The following CFH variants were observed in gnomAD, a reference collection of about 807,000 sequenced individuals.
The protein encoded by CFH is complement factor H, also known as H factor 1 (complement).
A neutral mutation model predicts 147.3 loss-of-function variants in CFH; 53 were observed. That is an observed-to-expected ratio of 0.36 (90% confidence interval 0.29 to 0.45). The LOEUF is 0.45. Among genes scored for constraint, CFH ranks in the 20% least tolerant of loss-of-function variants. CFH has a pLI of 1.00. For synonymous variants in CFH, 536 were observed against 489.4 expected (o/e 1.10, Z -1.26); for missense variants, 1,380 against 1,498.0 (o/e 0.92, Z 1.30).
chr1:196,711,781 A>C (rs1030807192), intron 9 of CFH, among the ~76,000 whole-genome samples: 5 of 152,040 alleles, frequency 3.3e-5, no homozygotes, highest in African/African-American at 1.2e-4. Context: ...GTGCTCTGGG[A>C]ATCCTTTACC....
At chr1:196,673,767 A>G (rs1667363627) in intron 2 of CFH, 90 bp from the exon 3 acceptor site, 1 of 829,428 alleles carries the variant, frequency 1.2e-6, no homozygotes, top group Non-Finnish European at 2.1e-6. Context: ...GTCTTCTTAT[A>G]TAATATCAAA....
chr1:196,671,682 T>C (rs1667286361), intron 1 of CFH, among the ~76,000 whole-genome samples: 2 of 149,276 alleles, frequency 1.3e-5, no homozygotes, highest in African/African-American at 4.9e-5. Flanking sequence ...TATATATATA[T>C]ACTATATATG....
chr1:196,689,410 T>G lies in CFH; in HGVS notation c.965-10T>G. On this transcript the variant is annotated splice_polypyrimidine_tract_variant and intron_variant, in intron 7 of 21. Coordinates refer to ENST00000367429, the MANE Select transcript of CFH (RefSeq NM_000186.4). Reference sequence around the variant, plus strand: ...TTTCTTTATACTTTTTTTAAAATTTTTATTGCAAGTGAAACCTTGTGATTA... The same window carrying G: ...TTTCTTTATACTTTTTTTAAAATTTGTATTGCAAGTGAAACCTTGTGATTA... 1.2e-6 allele frequency: 2 copies of G among 1,611,022 alleles called. No individual in the cohort carries two copies. The highest frequency in any genetic ancestry group is 1.7e-6 in the Non-Finnish European group (2 of 1,178,544).
intron 1 of CFH, among the ~76,000 whole-genome samples, chr1:196,667,986 C>T (rs575876342): frequency 1.3e-5 from 2 of 152,204 alleles, no homozygotes; most frequent in African/African-American, 2.4e-5. Context: ...GACACTTTTG[C>T]TACTATTGTT....
chr1:196,677,724 A>T lies in CFH; in HGVS notation c.619+57A>T. 2.0e-6 allele frequency: 3 copies of T among 1,470,220 alleles called. No homozygotes were observed. In the South Asian group the frequency reaches 3.4e-5, roughly 17 times the overall value. The allele number at this position is 1,470,220 out of a possible 1,614,324, so 91.1% of individuals were successfully genotyped here. ...GCTTTTTAAATGTAAATATACATTT[A>T]AAACATCGTTCATTCTAAGGAATAT... On this transcript the variant is annotated intron_variant, in intron 5 of 21. Coordinates refer to ENST00000367429, the MANE Select transcript of CFH (RefSeq NM_000186.4).
chr1:196,657,036 C>G (rs961383492), intron 1 of CFH, among the ~76,000 whole-genome samples: 7 of 151,898 alleles, frequency 4.6e-5, no homozygotes, highest in African/African-American at 1.7e-4. Flanking sequence ...GGAGTGCCCA[C>G]GCTGGAGTGC....
chr1:196,704,140 C>T (rs556543397), intron 9 of CFH, among the ~76,000 whole-genome samples: 3 of 152,088 alleles, frequency 2.0e-5, no homozygotes, highest in South Asian at 2.1e-4. Flanking sequence ...TGTGGTGGCA[C>T]GATTGTGGCT....
chr1:196,698,162 A>T (rs948825632), intron 9 of CFH, among the ~76,000 whole-genome samples: 1 of 152,084 alleles, frequency 6.6e-6, no homozygotes. Flanking sequence ...AATAATAATA[A>T]AAAAAGAATT....
intron 7 of CFH, among the ~76,000 whole-genome samples, chr1:196,686,527 T>C (rs1280327420): frequency 1.3e-5 from 2 of 152,118 alleles, no homozygotes; most frequent in Non-Finnish European, 2.9e-5. Context: ...TATCTATAAG[T>C]ACATAGACAA....
At chr1:196,692,736 C>A (rs1190231124) in intron 9 of CFH, among the ~76,000 whole-genome samples, 1 of 140,338 alleles carries the variant, frequency 7.1e-6, no homozygotes, top group African/African-American at 2.6e-5. Context: ...TTCTCTTTCC[C>A]TTCCTTTCTT....
rs1254510583 is a variant in CFH at position 196,673,888 on chromosome 1, T to G, written c.276T>G (p.Pro92=). 7.4e-6 allele frequency: 12 copies of G among 1,613,594 alleles called. No individual in the cohort carries two copies. The highest frequency in any genetic ancestry group is 1.0e-5 in the Non-Finnish European group (12 of 1,179,698). The change falls in exon 3 of 22, where the codon CCT becomes CCG. Residue 92 remains proline (P), a synonymous_variant. Coordinates refer to ENST00000367429, the MANE Select transcript of CFH (RefSeq NM_000186.4). ...CCTGTGGACATCCTGGAGATACTCC[T>G]TTTGGTACTTTTACCCTTACAGGAG... ...KRPCGHPGDT[P]FGTFTLTGGN... is the part of the protein sequence containing the mutation.
chr1:196,662,774 TG>T (rs1433195198), intron 1 of CFH, among the ~76,000 whole-genome samples: 2 of 151,802 alleles, frequency 1.3e-5, no homozygotes, highest in Non-Finnish European at 2.9e-5. Context: ...CACAGCTACT[TG>T]GGGGGCTGAG....
chr1:196,736,863 C>T lies in CFH; in HGVS notation c.2453C>T (p.Pro818Leu). The T allele has an allele frequency of 6.4e-7, 1 of 1,570,650 alleles. No individual in the cohort carries two copies. The part of the protein sequence containing the change: ...IQLCPPPPQI[P>L]NSHNMTTTLN... Reference sequence around the variant, plus strand: ...TTATGCCCACCTCCACCTCAGATTCCCAATTCTCACAATATGACAACCACA... The same window carrying T: ...TTATGCCCACCTCCACCTCAGATTCTCAATTCTCACAATATGACAACCACA... The change falls in exon 16 of 22, where the codon CCC (proline) becomes CTC (leucine). Residue 818 changes from proline to leucine, a missense_variant. By Grantham distance (98) the Pro-to-Leu change is moderately conservative. This residue lies in a region of CFH where 830 missense variants were observed against 821.4 expected (regional missense o/e 1.01). Coordinates refer to ENST00000367429, the MANE Select transcript of CFH (RefSeq NM_000186.4).
chr1:196,729,482 A>T (rs1392160815), intron 15 of CFH, among the ~76,000 whole-genome samples: 2 of 151,712 alleles, frequency 1.3e-5, no homozygotes, highest in Non-Finnish European at 2.9e-5. Context: ...GTGCTGTAGG[A>T]TTTGTTTTCC....
At chr1:196,715,476 C>A (rs771295998) in intron 10 of CFH, 117 bp from the exon 11 acceptor site, 7 of 762,216 alleles carry the variant, frequency 9.2e-6, no homozygotes, top group South Asian at 7.8e-5. Flanking sequence ...TATTTTTGTA[C>A]GGTACCTATT....
chr1:196,731,859 T>C (rs1389509435), intron 15 of CFH, among the ~76,000 whole-genome samples: 3 of 152,034 alleles, frequency 2.0e-5, no homozygotes, highest in Non-Finnish European at 4.4e-5. Context: ...AATCCACTGA[T>C]AGTCTTGTGG....
In CFH at chr1:196,739,470, A is replaced by G. The variant is rs182608607; in HGVS notation, c.2783-1149A>G. ...AAGTTCAAAGTTCCACAGATCTCTA[A>G]GGCAGGGCAATATGCCACCAGTCTC... On this transcript the variant is annotated intron_variant, in intron 17 of 21. Transcript: ENST00000367429. 1.7e-3 allele frequency among the ~76,000 whole-genome samples: 254 copies of G among 152,272 alleles called. 6 individuals carry two copies. Among genetic ancestry groups the G allele is most frequent in the Admixed American group, 0.013 (200 of 15,294 alleles).
chr1:196,683,527 T>C (rs747807325), intron 6 of CFH, among the ~76,000 whole-genome samples: 3 of 151,690 alleles, frequency 2.0e-5, no homozygotes, highest in Non-Finnish European at 4.4e-5. Flanking sequence ...ATGTAGTACA[T>C]TAGCTAAACT....
At chr1:196,656,049 T>C (rs1666674609) in intron 1 of CFH, among the ~76,000 whole-genome samples, 1 of 152,208 alleles carries the variant, frequency 6.6e-6, no homozygotes, top group Non-Finnish European at 1.5e-5. Flanking sequence ...CTCACACCTG[T>C]AATCCCAACA....
Sources: gnomAD v4.1 joint callset for allele counts (sites outside exome capture counted in the v4.1 genomes callset) on GRCh38, gnomAD v4.1.1 for gene constraint, gnomAD v4.1.1 regional missense constraint, MANE v1.5 for transcripts, NCBI Gene and HGNC (gene_info 2026-07-23, HGNC 2026-07-21) for gene names.